The following PARD3B variants were observed in gnomAD, a reference collection of about 807,000 sequenced individuals.
The protein encoded by PARD3B is par-3 family cell polarity regulator beta, also known as partitioning defective 3 homolog B.
Under a neutral mutation model 130.2 loss-of-function variants are expected in PARD3B, and 103 were observed. That is an observed-to-expected ratio of 0.79 (90% CI 0.67 to 0.93). PARD3B has a LOEUF of 0.93. PARD3B is among the 40% of genes least tolerant of loss of function. The pLI, the probability that PARD3B is intolerant of heterozygous loss-of-function variation, is 0.00. For synonymous variants in PARD3B, 583 were observed against 553.2 expected (o/e 1.05, Z -0.76); for missense variants, 1,609 against 1,499.2 (o/e 1.07, Z -1.21).
At chr2:205,615,316 A>G in intron 22 of PARD3B, 140 bp from the exon 23 acceptor site, 1 of 624,868 alleles carries the variant, frequency 1.6e-6, no homozygotes, top group South Asian at 2.5e-5. Flanking sequence ...TTTTAAGGGC[A>G]CGTATCACTT....
chr2:205,247,456 T>C (rs1020324252), intron 16 of PARD3B, among the ~76,000 whole-genome samples: 2 of 152,206 alleles, frequency 1.3e-5, no homozygotes, highest in Admixed American at 6.5e-5. Context: ...AATGGCAGAA[T>C]TTTAAAGCTG....
At chr2:205,198,721 TTC>T (rs1454736192) in intron 15 of PARD3B, among the ~76,000 whole-genome samples, 1 of 152,126 alleles carries the variant, frequency 6.6e-6, no homozygotes. Flanking sequence ...CTCTAATACT[TTC>T]TTTTTAAGAT....
intron 22 of PARD3B, among the ~76,000 whole-genome samples, chr2:205,578,551 G>C (rs1391402641): frequency 6.6e-6 from 1 of 152,106 alleles, no homozygotes; most frequent in Non-Finnish European, 1.5e-5. Flanking sequence ...AATAAAACAT[G>C]TATCCTTACA....
At chr2:205,404,830 T>A (rs536087620) in intron 19 of PARD3B, among the ~76,000 whole-genome samples, 1 of 152,282 alleles carries the variant, frequency 6.6e-6, no homozygotes, top group South Asian at 2.1e-4. Context: ...CATTTTTCAC[T>A]GTTTCAAATA....
At position 205,619,711 on chromosome 2, in the gene PARD3B, G is replaced by C. The variant is rs1302858904; in HGVS notation, c.*3898G>C. ...AGCCTAGAATCTCACACACAGCTGTGACTTCTAAGTGAAACTCTTTTCTCC... is the reference window on the plus strand; with the variant it reads ...AGCCTAGAATCTCACACACAGCTGTCACTTCTAAGTGAAACTCTTTTCTCC... On this transcript the variant is annotated 3_prime_UTR_variant, in exon 23 of 23. Transcript: ENST00000406610. 6.6e-6 allele frequency: 1 copy of C among 152,176 alleles called. No individual in the cohort carries two copies. Among genetic ancestry groups the C allele is most frequent in the East Asian group, 1.9e-4 (1 of 5,190 alleles). The allele number at this position is 152,176 out of a possible 1,614,324, so 9.4% of individuals were successfully genotyped here.
At chr2:205,066,873 T>G (rs1700412512) in intron 4 of PARD3B, among the ~76,000 whole-genome samples, 1 of 152,124 alleles carries the variant, frequency 6.6e-6, no homozygotes, top group African/African-American at 2.4e-5. Context: ...TTTCCTCATG[T>G]CTTTCAAGTG....
intron 2 of PARD3B, among the ~76,000 whole-genome samples, chr2:204,883,332 T>A (rs181368761): frequency 6.7e-6 from 1 of 148,770 alleles, no homozygotes; most frequent in Non-Finnish European, 1.5e-5. Flanking sequence ...TCATTTTTGA[T>A]CAGTTATGTG....
intron 2 of PARD3B, among the ~76,000 whole-genome samples, chr2:204,746,020 G>T (rs986183745): frequency 6.7e-6 from 1 of 149,386 alleles, no homozygotes; most frequent in Non-Finnish European, 1.5e-5. Flanking sequence ...TAGGGTACAT[G>T]TGTACAACGT....
intron 3 of PARD3B, among the ~76,000 whole-genome samples, chr2:205,006,162 A>C (rs1422483461): frequency 3.9e-5 from 6 of 152,148 alleles, no homozygotes; most frequent in African/African-American, 1.4e-4. Context: ...TTTATGGCTG[A>C]GTAGTATTCC....
chr2:205,075,234 G>A (rs1164250299), intron 4 of PARD3B, among the ~76,000 whole-genome samples: 1 of 152,110 alleles, frequency 6.6e-6, no homozygotes, highest in Non-Finnish European at 1.5e-5. Context: ...GTGAAGGAAT[G>A]TTTGAGAGCT....
chr2:204,868,434 G>A (rs2045509651), intron 2 of PARD3B, among the ~76,000 whole-genome samples: 1 of 152,088 alleles, frequency 6.6e-6, no homozygotes, highest in Non-Finnish European at 1.5e-5. Context: ...TATAGTAGAA[G>A]GATGTTGTAC....
At chr2:205,295,309 T>C (rs564062010) in intron 16 of PARD3B, among the ~76,000 whole-genome samples, 3 of 152,298 alleles carry the variant, frequency 2.0e-5, no homozygotes, top group South Asian at 4.1e-4. Flanking sequence ...CAAGGCCAAA[T>C]TGATAATAAA....
chr2:205,229,685 G>A lies in PARD3B; in HGVS notation c.2141-16093G>A, dbSNP rs2038733499. On this transcript the variant is annotated intron_variant, in intron 15 of 22. Transcript: ENST00000406610. The surrounding 1 kb of genome is among the most constrained non-coding windows in gnomAD (Gnocchi z 5.2). ...CCTGGCTACCACCTACATTTGCTTA[G>A]GACACTAGAGCTCCGCAATAAGCAG... Among the ~76,000 whole-genome samples, 1 of 152,036 alleles carries A rather than the reference G, an allele frequency of 6.6e-6. No homozygotes were observed.
chr2:204,946,538 CGAG>C (rs1575387387), intron 2 of PARD3B, among the ~76,000 whole-genome samples: 1 of 152,034 alleles, frequency 6.6e-6, no homozygotes, highest in Admixed American at 6.6e-5. Flanking sequence ...TAGGGAACAC[CGAG>C]GAGATTTATT....
intron 18 of PARD3B, among the ~76,000 whole-genome samples, chr2:205,303,045 C>G (rs2042067442): frequency 6.6e-6 from 1 of 152,200 alleles, no homozygotes; most frequent in East Asian, 1.9e-4. Context: ...CCTGACATCT[C>G]AGCTTTCTGG....
At chr2:205,090,099 T>G (rs1702012275) in intron 4 of PARD3B, among the ~76,000 whole-genome samples, 1 of 152,194 alleles carries the variant, frequency 6.6e-6, no homozygotes, top group Admixed American at 6.5e-5. Context: ...ACATCACCAC[T>G]GTGCTTAAAA....
chr2:204,897,461 G>A (rs1257557407), intron 2 of PARD3B, among the ~76,000 whole-genome samples: 1 of 145,960 alleles, frequency 6.9e-6, no homozygotes. Context: ...ACAATGGACT[G>A]TCTCCCAAAA....
intron 20 of PARD3B, among the ~76,000 whole-genome samples, chr2:205,481,031 C>A (rs2049216371): frequency 6.6e-6 from 1 of 152,044 alleles, no homozygotes; most frequent in Non-Finnish European, 1.5e-5. Context: ...TCTCTGTGAG[C>A]ACAGGAGAAG....
intron 2 of PARD3B, among the ~76,000 whole-genome samples, chr2:204,696,559 A>C (rs1020731175): frequency 3.3e-5 from 5 of 152,088 alleles, no homozygotes; most frequent in Admixed American, 6.6e-5. Flanking sequence ...CACTTTTATG[A>C]GGTACCTGTT....
Sources: allele counts gnomAD v4.1 joint callset (sites outside exome capture counted in the v4.1 genomes callset), GRCh38; gene constraint gnomAD v4.1.1; non-coding constraint Gnocchi (gnomAD v3.1); transcripts MANE v1.5; gene names NCBI Gene and HGNC (gene_info 2026-07-23, HGNC 2026-07-21).